Variants in CACFD1 observed in about 807,000 individuals in gnomAD.
The protein encoded by CACFD1 is calcium channel flower domain containing 1.
In CACFD1, 26 loss-of-function variants were observed where a neutral mutation model predicts 21.3. The observed-to-expected ratio is 1.22, with a 90% CI of 0.89 to 1.69. The LOEUF (loss-of-function observed/expected upper bound fraction) is 1.69. Among genes scored for constraint, CACFD1 ranks in the 40% most tolerant of loss-of-function variants. The pLI is 0.00. For synonymous variants in CACFD1, 121 were observed against 106.6 expected, an observed-to-expected ratio of 1.13 and a Z score of -0.83; for missense variants, 265 against 236.2, an observed-to-expected ratio of 1.12 and a Z score of -0.80.
At chr9:133,463,394 T>C (rs1564455171) in intron 1 of CACFD1, 89 bp from the exon 2 acceptor site, 1 of 1,603,010 alleles carries the variant, frequency 6.2e-7, no homozygotes, top group Non-Finnish European at 8.5e-7. Context: ...GCAGAGACTC[T>C]CGTCCTTTCC....
intron 1 of CACFD1, among the ~76,000 whole-genome samples, chr9:133,461,143 C>G (rs1335205442): frequency 1.3e-5 from 2 of 152,232 alleles, no homozygotes; most frequent in African/African-American, 4.8e-5. Flanking sequence ...CAGTGCCTGC[C>G]TGGCAGAGAG....
intron 1 of CACFD1, among the ~76,000 whole-genome samples, chr9:133,460,446 G>A (rs903497240): frequency 6.1e-5 from 5 of 82,352 alleles, no homozygotes; most frequent in Non-Finnish European, 6.6e-5. Flanking sequence ...TTCCCGGAGG[G>A]ACCAGAAACC....
intron 1 of CACFD1, 24 bp downstream of exon 1, chr9:133,460,211 G>A (rs1393534547): frequency 6.6e-6 from 10 of 1,509,918 alleles, no homozygotes; most frequent in African/African-American, 2.9e-5. Flanking sequence ...CGGGGAGAGG[G>A]GCCGGCCCCG....
At position 133,467,507 on chromosome 9, in the gene CACFD1, A is replaced by C. The variant is rs587715817; in HGVS notation, c.321-414A>C. ...TGGTCAGCATTGTGTAGGTAACATG[A>C]CTGACCTCGGACAAGCTTTGATCCC... On this transcript the variant is annotated intron_variant, in intron 3 of 4. Transcript: ENST00000316948. Among the ~76,000 whole-genome samples, 96 of 152,300 alleles carry C rather than the reference A, an allele frequency of 6.3e-4. 1 individual carries two copies. The highest frequency in any genetic ancestry group is 2.0e-3 in the African/African-American group (84 of 41,560).
chr9:133,460,199 G>A lies in CACFD1; in HGVS notation c.121+12G>A, dbSNP rs1176404730. ...GCTGGGGGCAGTCTGTGAGTATCCA[G>A]TCGGGGAGAGGGGCCGGCCCCGCCG... is the stretch of plus-strand genomic sequence containing the variant. On this transcript the variant is annotated intron_variant, in intron 1 of 4. Transcript: ENST00000316948. 3 of 1,525,788 alleles carry A rather than the reference G, an allele frequency of 2.0e-6. No homozygotes were observed. 94.5% of individuals were successfully genotyped at this position (1,525,788 alleles called of 1,614,324 possible). A position where few individuals can be genotyped will look rare whatever the true frequency, so the allele number is the denominator to read the frequency against.
chr9:133,468,829 GGT>G lies in CACFD1; in HGVS notation c.*180_*181del. ...CTTAAGCCAGGAGCCACTGGCTGCT[GGT>G]GTGAGGGTCTGGGCTGCTGGACTTG... is the stretch of plus-strand genomic sequence containing the variant. On this transcript the variant is annotated 3_prime_UTR_variant, in exon 5 of 5. Transcript: ENST00000316948. 1 of 1,140,680 alleles carries G rather than the reference GGT, an allele frequency of 8.8e-7. No homozygotes were observed. Among genetic ancestry groups the G allele is most frequent in the Non-Finnish European group, 1.2e-6 (1 of 834,324 alleles). The allele number at this position is 1,140,680 out of a possible 1,614,324, so 70.7% of individuals were successfully genotyped here. A position where few individuals can be genotyped will look rare whatever the true frequency, so the allele number is the denominator to read the frequency against.
At chr9:133,467,002 G>C (rs1389484181) in intron 3 of CACFD1, among the ~76,000 whole-genome samples, 1 of 152,110 alleles carries the variant, frequency 6.6e-6, no homozygotes, top group Non-Finnish European at 1.5e-5. Context: ...TTGTCAGAAG[G>C]TTCCCCGCCG....
At chr9:133,461,221 G>A (rs1843201566) in intron 1 of CACFD1, among the ~76,000 whole-genome samples, 1 of 152,234 alleles carries the variant, frequency 6.6e-6, no homozygotes. Context: ...CCTTTTCAGG[G>A]TCACCTTGGG....
chr9:133,467,519 C>G (rs1162927301), intron 3 of CACFD1, among the ~76,000 whole-genome samples: 2 of 152,198 alleles, frequency 1.3e-5, no homozygotes, highest in African/African-American at 4.8e-5. Context: ...TGACCTCGGA[C>G]AAGCTTTGAT....
Position 133,468,788 on chromosome 9 carries a change from C to T in CACFD1, c.*135C>T, listed in dbSNP as rs914516244. On this transcript the variant is annotated 3_prime_UTR_variant, in exon 5 of 5. Coordinates refer to ENST00000316948, the MANE Select transcript of CACFD1 (RefSeq NM_017586.5). ...GTCCCTACACCTGGAGTCCTCTGCT[C>T]CTTTCTCCAGACTGGCTTAAGCCAG... The T allele has an allele frequency of 3.9e-4, 548 of 1,399,788 alleles. 1 individual carries two copies. Among genetic ancestry groups the T allele is most frequent in the Admixed American group, 3.9e-4 (14 of 35,484 alleles). The allele number at this position is 1,399,788 out of a possible 1,614,324, so 86.7% of individuals were successfully genotyped here.
At chr9:133,463,716 G>A (rs1843315964) in intron 2 of CACFD1, among the ~76,000 whole-genome samples, 161 bp downstream of exon 2, 2 of 152,208 alleles carry the variant, frequency 1.3e-5, no homozygotes, top group South Asian at 2.1e-4. Flanking sequence ...GTGAGTTTCT[G>A]GCCACAGCAT....
chr9:133,468,758 C>A lies in CACFD1; in HGVS notation c.*105C>A. 2.1e-6 allele frequency: 3 copies of A among 1,445,210 alleles called. No homozygotes were observed. The South Asian group carries it at 4.3e-5, about 21-fold the overall frequency. The allele number at this position is 1,445,210 out of a possible 1,614,324, so 89.5% of individuals were successfully genotyped here. ...GGCACAGCCTGGAGAGGGGCCTTTGCACGTGTCCCTACACCTGGAGTCCTC... is the reference window on the plus strand; with the variant it reads ...GGCACAGCCTGGAGAGGGGCCTTTGAACGTGTCCCTACACCTGGAGTCCTC... On this transcript the variant is annotated 3_prime_UTR_variant, in exon 5 of 5. Coordinates refer to ENST00000316948, the MANE Select transcript of CACFD1 (RefSeq NM_017586.5).
chr9:133,467,830 TAGGAAGG>T, intron 3 of CACFD1, 84 bp from the exon 4 acceptor site: 1 of 914,880 alleles, frequency 1.1e-6, no homozygotes, highest in Non-Finnish European at 1.8e-6. Context: ...CCTGGGTGTC[TAGGAAGG>T]ATGCTGGGCC....
chr9:133,463,675 C>G, intron 2 of CACFD1, 120 bp downstream of exon 2: 1 of 1,014,226 alleles, frequency 9.9e-7, no homozygotes, highest in East Asian at 2.4e-5. Context: ...GTTGCCATGG[C>G]TACTGGCTCC....
intron 3 of CACFD1, among the ~76,000 whole-genome samples, chr9:133,467,206 G>A (rs752410486): frequency 1.3e-5 from 2 of 152,208 alleles, no homozygotes; most frequent in Admixed American, 6.5e-5. Flanking sequence ...CAGGCTGCAG[G>A]TATCCTCCTG....
chr9:133,463,463 CCCG>C lies in CACFD1; in HGVS notation c.122-19_122-17del. 1 of 1,613,888 alleles carries C rather than the reference CCCG, an allele frequency of 6.2e-7. No individual in the cohort carries two copies. On this transcript the variant is annotated splice_polypyrimidine_tract_variant and intron_variant, in intron 1 of 4. Coordinates refer to ENST00000316948, the MANE Select transcript of CACFD1 (RefSeq NM_017586.5). ...CCGCCTGCCTCCCTGCTGACTCCTG[CCCG>C]TGTCTCTTGTTTCAAGCTTGCGCGA...
In CACFD1 at chr9:133,460,178, G is replaced by GGGCGGGGGC; in HGVS notation, c.114_115insCGGGGGCGG (p.Gly38_Ala39insArgGlyArg). 6.4e-7 allele frequency: 1 copy of GGGCGGGGGC among 1,553,308 alleles called. No individual in the cohort carries two copies. Among genetic ancestry groups the GGGCGGGGGC allele is most frequent in the Non-Finnish European group, 8.7e-7 (1 of 1,149,270 alleles). On this transcript the variant is annotated inframe_insertion, in exon 1 of 5. Coordinates refer to ENST00000316948, the MANE Select transcript of CACFD1 (RefSeq NM_017586.5). Reference sequence around the variant, plus strand: ...GCTGTGTCGCCTGTCTGGGGTGCTGGGGGCAGTCTGTGAGTATCCAGTCGG... The same window carrying GGGCGGGGGC: ...GCTGTGTCGCCTGTCTGGGGTGCTGGGGCGGGGGCGGGCAGTCTGTGAGTATCCAGTCGG...
At chr9:133,468,523 G>T (rs147407942) in intron 4 of CACFD1, 40 bp from the exon 5 acceptor site, 4 of 1,554,260 alleles carry the variant, frequency 2.6e-6, no homozygotes, top group African/African-American at 2.7e-5. Context: ...GTGGGCATGG[G>T]GCTGGTGCTC....
At position 133,468,573 on chromosome 9, in the gene CACFD1, A is replaced by G; in HGVS notation, c.439A>G (p.Ile147Val). The part of the protein sequence containing the change: ...LSALGKKGDA[I>V]SYARIQQQRQ... ...TCTCTCTCTCCCCAGGGGCGATGCG[A>G]TCTCCTATGCCAGGATCCAGCAGCA... is the stretch of plus-strand genomic sequence containing the variant. Residue 147 changes from isoleucine (I) to valine (V), a missense_variant, in exon 5 of 5, where the codon ATC (isoleucine) becomes GTC (valine). By Grantham distance (29) the Ile-to-Val change is conservative. Coordinates refer to ENST00000316948, the MANE Select transcript of CACFD1 (RefSeq NM_017586.5). The G allele has an allele frequency of 1.3e-6, 2 of 1,583,870 alleles. No homozygotes were observed. Among genetic ancestry groups the G allele is most frequent in the Non-Finnish European group, 1.7e-6 (2 of 1,167,024 alleles).
Sources: gnomAD v4.1 joint callset for allele counts (sites outside exome capture counted in the v4.1 genomes callset) on GRCh38, gnomAD v4.1.1 for gene constraint, MANE v1.5 for transcripts, NCBI Gene and HGNC (gene_info 2026-07-23, HGNC 2026-07-21) for gene names.